Variants in C6 observed in about 807,000 individuals in gnomAD.
C6 encodes complement component C6.
A neutral mutation model predicts 112.9 loss-of-function variants in C6; 101 were observed. That is an observed-to-expected ratio of 0.89 (90% CI 0.76 to 1.06). The LOEUF (loss-of-function observed/expected upper bound fraction) is 1.06, where lower values mean the gene tolerates loss of function less well. C6 is among the 50% of genes least tolerant of loss of function. C6 has a pLI of 0.00. For missense variants in C6, 1,202 were observed against 1,104.6 expected (o/e 1.09, Z -1.25); for synonymous variants, 431 against 384.1 (o/e 1.12, Z -1.43).
intron 3 of C6, 139 bp downstream of exon 3, chr5:41,201,419 A>G: frequency 1.2e-6 from 1 of 858,192 alleles, no homozygotes; most frequent in Non-Finnish European, 1.9e-6. Flanking sequence ...TGCTAAATGG[A>G]ATTTTCCCTC....
intron 4 of C6, among the ~76,000 whole-genome samples, chr5:41,196,765 G>A (rs895383131): frequency 1.3e-5 from 2 of 152,002 alleles, no homozygotes; most frequent in Non-Finnish European, 2.9e-5. Context: ...ACAGTAGCAA[G>A]TAGAGTGAGC....
At position 41,235,065 on chromosome 5, in the gene C6, T is replaced by C. The variant is rs1318182263; in HGVS notation, c.-21+26129A>G. On this transcript the variant is annotated intron_variant, in intron 1 of 17. Transcript: ENST00000263413. ...AAGTCCTACATTCTCATTCTTTTTT[T>C]TTTTTTTTAATGTTTTTTTTTTTAT... is the stretch of plus-strand genomic sequence containing the variant. Among the ~76,000 whole-genome samples, 7 of 115,834 alleles carry C rather than the reference T, an allele frequency of 6.0e-5. No homozygotes were observed. The South Asian group carries it at 2.0e-3, about 33-fold the overall frequency. The allele number at this position is 115,834 out of a possible 152,430, so 76.0% of individuals were successfully genotyped here. A position where few individuals can be genotyped will look rare whatever the true frequency, so the allele number is the denominator to read the frequency against.
chr5:41,178,287 G>C (rs955066673), intron 7 of C6, among the ~76,000 whole-genome samples: 11 of 151,794 alleles, frequency 7.2e-5, no homozygotes, highest in Non-Finnish European at 1.5e-4. Flanking sequence ...CTGGTATTTT[G>C]CTTGGAAACA....
At chr5:41,152,241 C>A (rs770594727) in intron 15 of C6, among the ~76,000 whole-genome samples, 1 of 151,612 alleles carries the variant, frequency 6.6e-6, no homozygotes, top group Non-Finnish European at 1.5e-5. Context: ...TACACTTGAA[C>A]CAAGATGAGG....
intron 9 of C6, among the ~76,000 whole-genome samples, chr5:41,167,466 T>C (rs1214591843): frequency 1.3e-5 from 2 of 152,082 alleles, no homozygotes; most frequent in East Asian, 3.9e-4. Context: ...GTAACTAAAA[T>C]ATAGACTTGA....
At chr5:41,150,616 T>C (rs1336176436) in intron 15 of C6, among the ~76,000 whole-genome samples, 1 of 152,140 alleles carries the variant, frequency 6.6e-6, no homozygotes, top group Non-Finnish European at 1.5e-5. Flanking sequence ...TGGTCGGGCA[T>C]AGTGGCTCAC....
intron 2 of C6, among the ~76,000 whole-genome samples, chr5:41,202,544 C>A (rs954805356): frequency 6.6e-6 from 1 of 152,152 alleles, no homozygotes; most frequent in Non-Finnish European, 1.5e-5. Context: ...TCTCCCCTAA[C>A]ATGTGAGCAT....
intron 10 of C6, among the ~76,000 whole-genome samples, 179 bp from the exon 11 acceptor site, chr5:41,160,546 C>G (rs1747390348): frequency 1.3e-5 from 2 of 152,118 alleles, no homozygotes; most frequent in Non-Finnish European, 2.9e-5. Flanking sequence ...TACCTGTGGA[C>G]AGGTGTGATG....
chr5:41,229,241 CT>C (rs1739722494), intron 1 of C6, among the ~76,000 whole-genome samples: 1 of 149,784 alleles, frequency 6.7e-6, no homozygotes, highest in Non-Finnish European at 1.5e-5. Context: ...TTTAGTTTTT[CT>C]TTTTCTTGTT....
In C6 at chr5:41,149,820, T is replaced by G. The variant is rs1283701055; in HGVS notation, c.2381+115A>C. On this transcript the variant is annotated intron_variant, in intron 16 of 17. Coordinates refer to ENST00000337836, the MANE Select transcript of C6 (RefSeq NM_000065.5). ...GCAGAGCACAGGAATATCAGTTATG[T>G]GGAAAATTCATTTATTTCATGTCTG... 1.3e-5 allele frequency: 10 copies of G among 776,500 alleles called. No individual in the cohort carries two copies. The South Asian group carries it at 1.4e-4, about 11-fold the overall frequency. The allele number at this position is 776,500 out of a possible 1,614,324, so 48.1% of individuals were successfully genotyped here.
chr5:41,235,049 A>C (rs1406077560), intron 1 of C6, among the ~76,000 whole-genome samples: 1 of 139,856 alleles, frequency 7.2e-6, no homozygotes, highest in Non-Finnish European at 1.5e-5. Flanking sequence ...CAAGTCCTAC[A>C]TTCTCATTCT....
intron 11 of C6, 151 bp from the exon 12 acceptor site, chr5:41,159,404 G>T: frequency 6.9e-7 from 1 of 1,439,410 alleles, no homozygotes; most frequent in Non-Finnish European, 9.1e-7. Context: ...GAAATTACCT[G>T]TGCAAGGGGC....
At chr5:41,146,258 T>C (rs931541615) in intron 17 of C6, among the ~76,000 whole-genome samples, 3 of 139,718 alleles carry the variant, frequency 2.1e-5, no homozygotes, top group African/African-American at 7.6e-5. Context: ...GGGGATTTCA[T>C]TCATGTTGTA....
chr5:41,236,897 C>T (rs55984251), intron 1 of C6, among the ~76,000 whole-genome samples: 3,249 of 145,534 alleles, frequency 0.022, 141 homozygotes, highest in African/African-American at 0.079. Context: ...AAGGGGATAT[C>T]ACCACCAATC....
intron 17 of C6, among the ~76,000 whole-genome samples, chr5:41,145,976 C>T (rs951259666): frequency 5.3e-5 from 8 of 152,230 alleles, no homozygotes; most frequent in Non-Finnish European, 1.2e-4. Flanking sequence ...AGTTCTCACG[C>T]TTCTATACTT....
intron 13 of C6, among the ~76,000 whole-genome samples, chr5:41,156,863 C>T (rs561792894): frequency 5.4e-4 from 82 of 152,188 alleles, no homozygotes; most frequent in Admixed American, 3.1e-3. Context: ...TCTTATGAAT[C>T]TGTAACATAT....
At chr5:41,240,781 G>T (rs1419087563) in intron 1 of C6, among the ~76,000 whole-genome samples, 1 of 152,148 alleles carries the variant, frequency 6.6e-6, no homozygotes, top group African/African-American at 2.4e-5. Context: ...ATGGGGTGGG[G>T]TGATACCCCA....
chr5:41,167,504 C>T (rs915958516), intron 9 of C6, among the ~76,000 whole-genome samples: 3 of 151,996 alleles, frequency 2.0e-5, no homozygotes, highest in Admixed American at 1.3e-4. Flanking sequence ...GCCTAAGATT[C>T]CACCACTTTG....
At chr5:41,240,427 T>C (rs1036515424) in intron 1 of C6, among the ~76,000 whole-genome samples, 1 of 152,122 alleles carries the variant, frequency 6.6e-6, no homozygotes, top group Non-Finnish European at 1.5e-5. Flanking sequence ...GGGTGAGTCC[T>C]TGGGCCGCTG....
Sources: gnomAD v4.1 joint callset for allele counts (sites outside exome capture counted in the v4.1 genomes callset) on GRCh38, gnomAD v4.1.1 for gene constraint, MANE v1.5 for transcripts, NCBI Gene and HGNC (gene_info 2026-07-23, HGNC 2026-07-21) for gene names.